Variants in GRID2 observed in about 807,000 individuals in gnomAD.
GRID2 encodes glutamate receptor ionotropic, delta-2.
In GRID2, 33 loss-of-function variants were observed where a neutral mutation model predicts 114.8. The ratio of observed to expected loss-of-function variants is 0.29; its 90% CI spans 0.22 to 0.38. The LOEUF is 0.38. Among genes scored for constraint, GRID2 ranks in the 10% least tolerant of loss-of-function variants. The pLI, the probability that GRID2 is intolerant of heterozygous loss-of-function variation, is 1.00. For missense variants in GRID2, 1,184 were observed against 1,257.7 expected, an observed-to-expected ratio of 0.94 and a Z score of 0.89; for synonymous variants, 505 against 449.9, an observed-to-expected ratio of 1.12 and a Z score of -1.55.
chr4:92,693,581 GA>G (rs750804298), intron 2 of GRID2, among the ~76,000 whole-genome samples: 5 of 152,124 alleles, frequency 3.3e-5, no homozygotes, highest in Non-Finnish European at 7.4e-5. Context: ...AGATGAACAG[GA>G]AATGACTATA....
intron 2 of GRID2, among the ~76,000 whole-genome samples, chr4:92,908,192 G>GT (rs1455506787): frequency 6.6e-6 from 1 of 151,930 alleles, no homozygotes; most frequent in Admixed American, 6.6e-5. Context: ...TTTGTTAATA[G>GT]TTTTTTTATT....
intron 14 of GRID2, among the ~76,000 whole-genome samples, chr4:93,762,516 C>T (rs1733297047): frequency 6.6e-6 from 1 of 152,052 alleles, no homozygotes; most frequent in South Asian, 2.1e-4. Flanking sequence ...GCTTGAAGAC[C>T]TAGGGTGTAA....
intron 1 of GRID2, among the ~76,000 whole-genome samples, chr4:92,588,500 C>T (rs1188125801): frequency 6.6e-6 from 1 of 151,114 alleles, no homozygotes; most frequent in Admixed American, 6.6e-5. Flanking sequence ...CACAGTGAAA[C>T]CCCGTCCCTA....
intron 8 of GRID2, among the ~76,000 whole-genome samples, chr4:93,300,735 G>C (rs1035763090): frequency 6.6e-6 from 1 of 152,156 alleles, no homozygotes; most frequent in African/African-American, 2.4e-5. Flanking sequence ...TCAGCTGGGA[G>C]CATTGGCAAG....
At chr4:93,059,853 A>G (rs1449943895) in intron 2 of GRID2, among the ~76,000 whole-genome samples, 2 of 151,958 alleles carry the variant, frequency 1.3e-5, no homozygotes, top group Admixed American at 1.3e-4. Context: ...TTAAACTATC[A>G]CCTTATTACT....
intron 2 of GRID2, among the ~76,000 whole-genome samples, chr4:92,980,938 T>G (rs1754173673): frequency 6.6e-6 from 1 of 152,050 alleles, no homozygotes; most frequent in South Asian, 2.1e-4. Flanking sequence ...TCACTTACTT[T>G]CCATGGCAAG....
chr4:93,104,896 A>G (rs1173435449), intron 3 of GRID2, among the ~76,000 whole-genome samples: 4 of 151,952 alleles, frequency 2.6e-5, no homozygotes, highest in Admixed American at 6.6e-5. Context: ...GACTTCCACA[A>G]TGGTTGAACT....
At chr4:92,621,554 A>G (rs922582626) in intron 2 of GRID2, among the ~76,000 whole-genome samples, 1 of 151,756 alleles carries the variant, frequency 6.6e-6, no homozygotes, top group Non-Finnish European at 1.5e-5. Flanking sequence ...TCCCAGCTAT[A>G]GGAAGCTGAG....
At chr4:92,350,529 C>T (rs1728012204) in intron 1 of GRID2, among the ~76,000 whole-genome samples, 1 of 151,686 alleles carries the variant, frequency 6.6e-6, no homozygotes, top group African/African-American at 2.4e-5. Context: ...TTGAATCTTG[C>T]TTGCCTATCT....
intron 1 of GRID2, among the ~76,000 whole-genome samples, chr4:93,791,550 T>C (rs1734695027): frequency 6.6e-6 from 1 of 152,184 alleles, no homozygotes; most frequent in South Asian, 2.1e-4. Context: ...TTTAAGGAGA[T>C]TTTCATTTTT....
chr4:93,770,641 T>A (rs897366210), intron 15 of GRID2, among the ~76,000 whole-genome samples: 1 of 152,208 alleles, frequency 6.6e-6, no homozygotes, highest in Non-Finnish European at 1.5e-5. Context: ...TCAAGTCACA[T>A]TGTAGTGTTT....
At chr4:93,157,153 G>T (rs1038917128) in intron 4 of GRID2, among the ~76,000 whole-genome samples, 3 of 151,632 alleles carry the variant, frequency 2.0e-5, no homozygotes, top group African/African-American at 7.3e-5. Flanking sequence ...TTCTCAGTAA[G>T]AAGAAAATGT....
chr4:92,756,499 T>G (rs569728983), intron 2 of GRID2, among the ~76,000 whole-genome samples: 1 of 152,288 alleles, frequency 6.6e-6, no homozygotes, highest in African/African-American at 2.4e-5. Context: ...GTTCTAATTT[T>G]AGTTTTTTGA....
intron 1 of GRID2, among the ~76,000 whole-genome samples, chr4:92,492,966 T>G (rs1299969728): frequency 6.6e-6 from 1 of 151,784 alleles, no homozygotes; most frequent in Non-Finnish European, 1.5e-5. Context: ...CCGTCTCTAC[T>G]AAAAATACAA....
chr4:92,475,836 T>A (rs1372958467), intron 1 of GRID2, among the ~76,000 whole-genome samples: 2 of 152,064 alleles, frequency 1.3e-5, no homozygotes, highest in Non-Finnish European at 2.9e-5. Flanking sequence ...AGCTTCAACT[T>A]CTTTTGTCAA....
chr4:93,148,148 G>A lies in GRID2; in HGVS notation c.735+37195G>A, dbSNP rs145400872. Among the ~76,000 whole-genome samples, 314 of 152,316 alleles carry A rather than the reference G, an allele frequency of 2.1e-3. 2 individuals are homozygous for A. The highest frequency in any genetic ancestry group is 0.01 in the Middle Eastern group (3 of 294). ...CAGGCAGCGTACAAAGTTAAGGAGT[G>A]TAATTGTTTAATGCCTAATGCTTAA... is the stretch of plus-strand genomic sequence containing the variant. On this transcript the variant is annotated intron_variant, in intron 4 of 15. Transcript: ENST00000282020.
chr4:93,686,172 C>A (rs113045587), intron 14 of GRID2, among the ~76,000 whole-genome samples: 1 of 152,130 alleles, frequency 6.6e-6, no homozygotes, highest in African/African-American at 2.4e-5. Flanking sequence ...TCACCGAATT[C>A]ATCTTATCAC....
intron 14 of GRID2, among the ~76,000 whole-genome samples, chr4:93,717,810 T>G (rs181966564): frequency 2.0e-4 from 31 of 152,326 alleles, no homozygotes; most frequent in African/African-American, 6.7e-4. Flanking sequence ...TGTTAGAATA[T>G]AGGCAGTTGA....
Position 92,660,137 on chromosome 4 carries a change from C to T in GRID2, c.244+69851C>T, listed in dbSNP as rs79151732. On this transcript the variant is annotated intron_variant, in intron 2 of 15. Coordinates refer to ENST00000282020, the MANE Select transcript of GRID2 (RefSeq NM_001510.4). ...TGCCTTAATGTAGAAATCATGCATG[C>T]AATATTCATTTTTAATGGCTAATCA... Among the ~76,000 whole-genome samples, 867 of 151,340 alleles carry T rather than the reference C, an allele frequency of 5.7e-3. 17 individuals carry two copies. The South Asian group carries it at 0.066, about 11-fold the overall frequency.
Sources: allele counts gnomAD v4.1 joint callset (sites outside exome capture counted in the v4.1 genomes callset), GRCh38; gene constraint gnomAD v4.1.1; transcripts MANE v1.5; gene names NCBI Gene and HGNC (gene_info 2026-07-23, HGNC 2026-07-21).